The following ETNK1 variants were observed in gnomAD, a reference collection of about 807,000 sequenced individuals.
The protein encoded by ETNK1 is putative protein product of Nbla10396.
Under a neutral mutation model 45.1 loss-of-function variants are expected in ETNK1, and 8 were observed. The observed-to-expected ratio is 0.18, with a 90% CI of 0.10 to 0.32. The LOEUF is 0.32. Ranked by LOEUF, ETNK1 falls within the 10% of genes least tolerant of loss-of-function variation. ETNK1 has a pLI of 1.00. For synonymous variants in ETNK1, 152 were observed against 151.9 expected, an observed-to-expected ratio of 1.00 and a Z score of -0.01; for missense variants, 302 against 430.6, an observed-to-expected ratio of 0.70 and a Z score of 2.64.
Position 22,643,313 on chromosome 12 carries a change from A to G in ETNK1, c.157-450A>G, listed in dbSNP as rs184875382. Among the ~76,000 whole-genome samples, 78 of 152,202 alleles carry G rather than the reference A, an allele frequency of 5.1e-4. 1 individual carries two copies. The highest frequency in any genetic ancestry group is 1.2e-3 in the Admixed American group (19 of 15,260). Reference sequence around the variant, plus strand: ...ACTTCTATAAGTAATGAACCATACTAGGAATAGGGCAGTGTTCCCATTCTC... The same window carrying G: ...ACTTCTATAAGTAATGAACCATACTGGGAATAGGGCAGTGTTCCCATTCTC... On this transcript the variant is annotated intron_variant, in intron 1 of 7. Transcript: ENST00000266517.
chr12:22,649,528 AT>A (rs1311967753), intron 2 of ETNK1, among the ~76,000 whole-genome samples: 1 of 152,046 alleles, frequency 6.6e-6, no homozygotes, highest in African/African-American at 2.4e-5. Flanking sequence ...GACTGTATTT[AT>A]ATGGGTCTGT....
Position 22,687,758 on chromosome 12 carries a change from T to G in ETNK1, c.*2804T>G, listed in dbSNP as rs1954272403. 2 of 152,308 alleles carry G rather than the reference T, an allele frequency of 1.3e-5. No homozygotes were observed. The highest frequency in any genetic ancestry group is 2.4e-5 in the African/African-American group (1 of 41,424). 9.4% of individuals were successfully genotyped at this position (152,308 alleles called of 1,614,324 possible). On this transcript the variant is annotated 3_prime_UTR_variant, in exon 8 of 8. Transcript: ENST00000266517. Reference sequence around the variant, plus strand: ...GTAAATAAAAATTTGTAAATTAGTGTGAACTGTATCTTGCATATGAGACTG... The same window carrying G: ...GTAAATAAAAATTTGTAAATTAGTGGGAACTGTATCTTGCATATGAGACTG...
rs948922543 is a variant in ETNK1, at chr12:22,626,198, T to C, written c.156+612T>C. 2.0e-5 allele frequency: 4 copies of C among 196,904 alleles called. No homozygotes were observed. The South Asian group carries it at 2.7e-4, about 13-fold the overall frequency. The allele number at this position is 196,904 out of a possible 1,614,324, so 12.2% of individuals were successfully genotyped here. On this transcript the variant is annotated intron_variant, in intron 1 of 7. Coordinates refer to ENST00000266517, the MANE Select transcript of ETNK1 (RefSeq NM_018638.5). The stretch of plus-strand genomic sequence containing the variant: ...AAGTCGTCTTACTGAAATTAATACC[T>C]GATACTAGAAGGAGCAGTGGCTTGT...
intron 4 of ETNK1, among the ~76,000 whole-genome samples, chr12:22,666,111 C>T (rs1003916492): frequency 6.6e-6 from 1 of 152,136 alleles, no homozygotes; most frequent in Non-Finnish European, 1.5e-5. Flanking sequence ...CTGCTCTCAC[C>T]ATGTCAGTTG....
In ETNK1 at chr12:22,638,065, A is replaced by G. The variant is rs543239407; in HGVS notation, c.157-5698A>G. ...AATAAAAATTACAAAAAAAAAGCATATGGTAGGTTTGGAAGTGGAAATAAT... is the reference window on the plus strand; with the variant it reads ...AATAAAAATTACAAAAAAAAAGCATGTGGTAGGTTTGGAAGTGGAAATAAT... On this transcript the variant is annotated intron_variant, in intron 1 of 7. Transcript: ENST00000266517. 1.2e-3 allele frequency among the ~76,000 whole-genome samples: 190 copies of G among 152,160 alleles called. 1 individual carries two copies. Among genetic ancestry groups the G allele is most frequent in the African/African-American group, 4.3e-3 (178 of 41,510 alleles).
chr12:22,659,065 C>T lies in ETNK1; in HGVS notation c.468C>T (p.Gly156=). 6.2e-7 allele frequency: 1 copy of T among 1,613,978 alleles called. No homozygotes were observed. The highest frequency in any genetic ancestry group is 8.5e-7 in the Non-Finnish European group (1 of 1,179,892). The change falls in exon 3 of 8, where the codon GGC becomes GGT. Residue 156 remains glycine (G), a synonymous_variant. Transcript: ENST00000266517. ...TCCATGCTATTCATGCACACAATGGCTGGATCCCCAAATCTAATCTTTGGC... is the reference window on the plus strand; with the variant it reads ...TCCATGCTATTCATGCACACAATGGTTGGATCCCCAAATCTAATCTTTGGC... ...AKIHAIHAHN[G]WIPKSNLWLK... is the part of the protein sequence containing the mutation.
At chr12:22,658,908 A>C in intron 2 of ETNK1, 106 bp from the exon 3 acceptor site, 1 of 1,184,084 alleles carries the variant, frequency 8.4e-7, no homozygotes, top group South Asian at 1.5e-5. Flanking sequence ...GTAGGTCTAC[A>C]AGAAGATTCG....
In ETNK1 at chr12:22,689,227, T is replaced by C. The variant is rs1442769641; in HGVS notation, c.*4273T>C. ...TGAATTATTTGGGTAGAAAAAATTA[T>C]GATAGTGCTTATAAGAACTGTAAAC... is the stretch of plus-strand genomic sequence containing the variant. On this transcript the variant is annotated 3_prime_UTR_variant, in exon 8 of 8. Coordinates refer to ENST00000266517, the MANE Select transcript of ETNK1 (RefSeq NM_018638.5). The C allele has an allele frequency of 6.6e-6, 1 of 151,926 alleles. No individual in the cohort carries two copies. The highest frequency in any genetic ancestry group is 2.4e-5 in the African/African-American group (1 of 41,452). 9.4% of individuals were successfully genotyped at this position (151,926 alleles called of 1,614,324 possible). A position where few individuals can be genotyped will look rare whatever the true frequency, so the allele number is the denominator to read the frequency against.
chr12:22,678,111 T>A (rs1954178209), intron 6 of ETNK1, among the ~76,000 whole-genome samples: 1 of 152,158 alleles, frequency 6.6e-6, no homozygotes, highest in Non-Finnish European at 1.5e-5. Flanking sequence ...AGCTAGCCGT[T>A]TACCTTCCTC....
chr12:22,667,952 G>C (rs1431949550), intron 4 of ETNK1, among the ~76,000 whole-genome samples: 1 of 152,162 alleles, frequency 6.6e-6, no homozygotes, highest in African/African-American at 2.4e-5. Context: ...AAGAAATAAA[G>C]TAATAAAAGA....
rs569240053 is a variant in ETNK1 at position 22,627,181 on chromosome 12, C to T, written c.156+1595C>T. 3.3e-5 allele frequency among the ~76,000 whole-genome samples: 5 copies of T among 151,922 alleles called. 1 individual carries two copies. The East Asian group carries it at 9.7e-4, about 29-fold the overall frequency. On this transcript the variant is annotated intron_variant, in intron 1 of 7. Transcript: ENST00000266517. The stretch of plus-strand genomic sequence containing the variant: ...TTTTTATCTTAGTCGCCCGAACAAC[C>T]ATATTAGGTAGGCACTATCATTTTA...
At chr12:22,666,851 G>A (rs1018505905) in intron 4 of ETNK1, among the ~76,000 whole-genome samples, 1 of 152,112 alleles carries the variant, frequency 6.6e-6, no homozygotes, top group African/African-American at 2.4e-5. Context: ...ATAGTCACTT[G>A]TTTGGCTCTA....
rs1364976306 is a variant in ETNK1, at chr12:22,684,987, C to G, written c.*33C>G. 2.8e-6 allele frequency: 4 copies of G among 1,442,930 alleles called. No individual in the cohort carries two copies. The highest frequency in any genetic ancestry group is 3.8e-6 in the Non-Finnish European group (4 of 1,052,002). 89.4% of individuals were successfully genotyped at this position (1,442,930 alleles called of 1,614,324 possible). A position where few individuals can be genotyped will look rare whatever the true frequency, so the allele number is the denominator to read the frequency against. On this transcript the variant is annotated 3_prime_UTR_variant, in exon 8 of 8. Coordinates refer to ENST00000266517, the MANE Select transcript of ETNK1 (RefSeq NM_018638.5). The stretch of plus-strand genomic sequence containing the variant: ...ATTTAATTATTCTCCAGTAGCTGAG[C>G]AATGCTTGTGAATCTTTTCTTAAGA...
chr12:22,637,097 G>A (rs547609795), intron 1 of ETNK1, among the ~76,000 whole-genome samples: 24 of 152,260 alleles, frequency 1.6e-4, no homozygotes, highest in African/African-American at 5.8e-4. Flanking sequence ...TACTCTAGCT[G>A]TTTTGATATC....
At chr12:22,659,865 G>A (rs1332889438) in intron 3 of ETNK1, among the ~76,000 whole-genome samples, 1 of 151,894 alleles carries the variant, frequency 6.6e-6, no homozygotes, top group Non-Finnish European at 1.5e-5. Context: ...GTGTGCTGTG[G>A]TAAATAATAG....
chr12:22,679,740 G>A (rs374621591), intron 6 of ETNK1, among the ~76,000 whole-genome samples: 2 of 138,692 alleles, frequency 1.4e-5, no homozygotes, highest in Non-Finnish European at 3.0e-5. Flanking sequence ...TCACTCTATC[G>A]CCCAGCCTTG....
chr12:22,659,683 A>G (rs1165785645), intron 3 of ETNK1, among the ~76,000 whole-genome samples: 1 of 152,200 alleles, frequency 6.6e-6, no homozygotes, highest in African/African-American at 2.4e-5. Context: ...GAGATAGTAT[A>G]TGTAAAGTTC....
chr12:22,655,077 C>T (rs1473375283), intron 2 of ETNK1, among the ~76,000 whole-genome samples: 1 of 152,192 alleles, frequency 6.6e-6, no homozygotes, highest in Non-Finnish European at 1.5e-5. Flanking sequence ...AGCGATTCTC[C>T]TGCCTCAGCC....
At chr12:22,660,885 A>G (rs556109529) in intron 3 of ETNK1, among the ~76,000 whole-genome samples, 178 bp from the exon 4 acceptor site, 1 of 152,242 alleles carries the variant, frequency 6.6e-6, no homozygotes, top group South Asian at 2.1e-4. Flanking sequence ...ATTCATGTCT[A>G]AACTTACTAT....
Sources: gnomAD v4.1 joint callset for allele counts (sites outside exome capture counted in the v4.1 genomes callset) on GRCh38, gnomAD v4.1.1 for gene constraint, MANE v1.5 for transcripts, NCBI Gene and HGNC (gene_info 2026-07-23, HGNC 2026-07-21) for gene names.